VKORC1L1: variants seen among roughly 807,000 people sequenced by gnomAD.
VKORC1L1 encodes vitamin K epoxide reductase complex subunit 1-like protein 1.
A neutral mutation model predicts 18.9 loss-of-function variants in VKORC1L1; 2 were observed. The observed-to-expected ratio is 0.11, with a 90% confidence interval of 0.04 to 0.33. VKORC1L1 has a LOEUF of 0.33. VKORC1L1 is among the 10% of genes least tolerant of loss of function. The pLI, the probability that VKORC1L1 is intolerant of heterozygous loss-of-function variation, is 1.00. For missense variants in VKORC1L1, 123 were observed against 224.1 expected (o/e 0.55, Z 2.88); for synonymous variants, 96 against 100.0 (o/e 0.96, Z 0.24).
chr7:65,951,273 G>A (rs1347340481), intron 2 of VKORC1L1, among the ~76,000 whole-genome samples: 2 of 152,094 alleles, frequency 1.3e-5, no homozygotes, highest in African/African-American at 4.8e-5. Context: ...CCATTCACGT[G>A]GTTCAAAAGT....
At chr7:65,910,321 T>C (rs796298504) in intron 1 of VKORC1L1, among the ~76,000 whole-genome samples, 8 of 152,116 alleles carry the variant, frequency 5.3e-5, no homozygotes, top group African/African-American at 1.9e-4. Context: ...ATGATTCTTA[T>C]TATGACACTA....
chr7:65,907,934 G>A (rs901486563), intron 1 of VKORC1L1, among the ~76,000 whole-genome samples: 7 of 151,928 alleles, frequency 4.6e-5, no homozygotes, highest in Admixed American at 3.9e-4. Flanking sequence ...AGCGAACACT[G>A]GATTAAGTAT....
chr7:65,949,081 G>A (rs190549103), intron 2 of VKORC1L1, among the ~76,000 whole-genome samples: 4 of 152,254 alleles, frequency 2.6e-5, no homozygotes, highest in Non-Finnish European at 5.9e-5. Flanking sequence ...TATAGACTCA[G>A]TGGCCTTGAA....
rs145954567 is a variant in VKORC1L1 at position 65,950,613 on chromosome 7, G to A, written c.304+1833G>A. ...TGTGTGCACAAGGATATTCATAGCA[G>A]TACAGTGTAAAATAGCAAAAAAAAA... is the stretch of plus-strand genomic sequence containing the variant. On this transcript the variant is annotated intron_variant, in intron 2 of 2. Transcript: ENST00000360768. Among the ~76,000 whole-genome samples, 236 of 151,966 alleles carry A rather than the reference G, an allele frequency of 1.6e-3. 1 individual carries two copies. Among genetic ancestry groups the A allele is most frequent in the African/African-American group, 5.5e-3 (229 of 41,440 alleles).
chr7:65,900,124 T>A (rs1448855794), intron 1 of VKORC1L1, among the ~76,000 whole-genome samples: 10 of 148,918 alleles, frequency 6.7e-5, no homozygotes, highest in Non-Finnish European at 3.0e-5. Context: ...GTGTGGTGGC[T>A]CATGCCTGTA....
rs1260653794 is a variant in VKORC1L1, at chr7:65,873,257, T to TGGTGGC, written c.-112_-107dup. 5.0e-5 allele frequency: 43 copies of TGGTGGC among 864,300 alleles called. No homozygotes were observed. Among genetic ancestry groups the TGGTGGC allele is most frequent in the East Asian group, 2.8e-4 (2 of 7,148 alleles). The allele number at this position is 864,300 out of a possible 1,614,324, so 53.5% of individuals were successfully genotyped here. A position where few individuals can be genotyped will look rare whatever the true frequency, so the allele number is the denominator to read the frequency against. On this transcript the variant is annotated 5_prime_UTR_variant, in exon 1 of 3. Transcript: ENST00000360768. Reference sequence around the variant, plus strand: ...TGGGGCGCGGCGGCGGCGGCGGCGGTGGTGGCGGCGGCGGCGGAGGCGGCG... The same window carrying TGGTGGC: ...TGGGGCGCGGCGGCGGCGGCGGCGGTGGTGGCGGTGGCGGCGGCGGCGGAGGCGGCG...
At chr7:65,896,005 C>G (rs926569211) in intron 1 of VKORC1L1, among the ~76,000 whole-genome samples, 1 of 149,196 alleles carries the variant, frequency 6.7e-6, no homozygotes, top group Non-Finnish European at 1.5e-5. Context: ...AAGCGATTCT[C>G]CTGCCTCAGC....
chr7:65,874,555 C>G (rs938887271), intron 1 of VKORC1L1, among the ~76,000 whole-genome samples: 10 of 152,052 alleles, frequency 6.6e-5, no homozygotes, highest in African/African-American at 1.2e-4. Flanking sequence ...CGCCTGTAAT[C>G]CCAGCACTTT....
rs11395208 is a variant in VKORC1L1, at chr7:65,952,778, C to CTTTT, written c.305-1275_305-1272dup. Among the ~76,000 whole-genome samples the CTTTT allele has an allele frequency of 3.6e-3, 315 of 86,602 alleles. 2 individuals are homozygous for CTTTT. Among genetic ancestry groups the CTTTT allele is most frequent in the African/African-American group, 4.4e-3 (95 of 21,464 alleles). 56.8% of individuals were successfully genotyped at this position (86,602 alleles called of 152,430 possible). On this transcript the variant is annotated intron_variant, in intron 2 of 2. Coordinates refer to ENST00000360768, the MANE Select transcript of VKORC1L1 (RefSeq NM_173517.6). ...CAGAATTCAGGTGCCTTTTTTTTTC[C>CTTTT]TTTTTTTTTTTTTTTTTTTTTTTTG...
intron 2 of VKORC1L1, among the ~76,000 whole-genome samples, chr7:65,949,057 G>C (rs550061103): frequency 6.6e-6 from 1 of 152,032 alleles, no homozygotes; most frequent in Non-Finnish European, 1.5e-5. Flanking sequence ...CCCTGTTAAC[G>C]TTTTTCCTTA....
chr7:65,886,480 A>G (rs1271596547), intron 1 of VKORC1L1, among the ~76,000 whole-genome samples: 2 of 152,206 alleles, frequency 1.3e-5, no homozygotes, highest in East Asian at 1.9e-4. Flanking sequence ...ATGTCGTACA[A>G]TATTGCAGCA....
In VKORC1L1 at chr7:65,926,961, G is replaced by A. The variant is rs115979823; in HGVS notation, c.195-21710G>A. On this transcript the variant is annotated intron_variant, in intron 1 of 2. Transcript: ENST00000360768. ...TATACTAGACTGTGGAGATTCAGAA[G>A]TGGGAGGTTGGAAGAAAGGTGAGGG... Among the ~76,000 whole-genome samples, 510 of 152,126 alleles carry A rather than the reference G, an allele frequency of 3.4e-3. 3 individuals carry two copies. The highest frequency in any genetic ancestry group is 0.012 in the African/African-American group (488 of 41,522).
intron 1 of VKORC1L1, among the ~76,000 whole-genome samples, chr7:65,947,135 CAAAAA>C (rs901885604): frequency 6.6e-6 from 1 of 151,716 alleles, no homozygotes; most frequent in Non-Finnish European, 1.5e-5. Flanking sequence ...CATCCTGTCT[CAAAAA>C]AACAAAACAA....
In VKORC1L1 at chr7:65,947,635, A is replaced by G. The variant is rs142478451; in HGVS notation, c.195-1036A>G. Among the ~76,000 whole-genome samples the G allele has an allele frequency of 1.5e-3, 236 of 152,262 alleles. 1 individual carries two copies. Among genetic ancestry groups the G allele is most frequent in the African/African-American group, 5.5e-3 (228 of 41,556 alleles). ...AACTGATAGGGCATATAATGTATCC[A>G]GTTTTTTACATCTGAGATAGGATTC... On this transcript the variant is annotated intron_variant, in intron 1 of 2. Transcript: ENST00000360768.
At chr7:65,951,585 T>A (rs186347601) in intron 2 of VKORC1L1, among the ~76,000 whole-genome samples, 4,842 of 148,932 alleles carry the variant, frequency 0.033, 85 homozygotes, top group Middle Eastern at 0.079. Context: ...AAAAAAAAAA[T>A]ATATATATAT....
chr7:65,951,074 A>G (rs1439787265), intron 2 of VKORC1L1, among the ~76,000 whole-genome samples: 1 of 151,688 alleles, frequency 6.6e-6, no homozygotes, highest in Non-Finnish European at 1.5e-5. Flanking sequence ...TTTAAATCAT[A>G]TTTATCACAT....
chr7:65,951,617 C>T (rs1790215443), intron 2 of VKORC1L1, among the ~76,000 whole-genome samples: 1 of 151,738 alleles, frequency 6.6e-6, no homozygotes, highest in South Asian at 2.1e-4. Context: ...AAATGTTACA[C>T]AAAGAAAAAT....
chr7:65,935,713 G>A (rs1789931635), intron 1 of VKORC1L1, among the ~76,000 whole-genome samples: 1 of 152,008 alleles, frequency 6.6e-6, no homozygotes, highest in African/African-American at 2.4e-5. Flanking sequence ...TCTGTCTTTG[G>A]TTTTTAGTAG....
intron 1 of VKORC1L1, among the ~76,000 whole-genome samples, chr7:65,928,502 G>A (rs1413614238): frequency 1.3e-5 from 2 of 151,998 alleles, no homozygotes; most frequent in Admixed American, 1.3e-4. Flanking sequence ...ATTTTATACT[G>A]TCTAGTCTTT....
Sources: allele counts gnomAD v4.1 joint callset (sites outside exome capture counted in the v4.1 genomes callset), GRCh38; gene constraint gnomAD v4.1.1; transcripts MANE v1.5; gene names NCBI Gene and HGNC (gene_info 2026-07-23, HGNC 2026-07-21).